Variants in CA10 observed in about 807,000 individuals in gnomAD.
CA10 encodes carbonic anhydrase-related protein 10.
In CA10, 14 loss-of-function variants were observed where a neutral mutation model predicts 44.2. The observed-to-expected ratio is 0.32, with a 90% CI of 0.21 to 0.50. CA10 has a LOEUF of 0.50. Among genes scored for constraint, CA10 ranks in the 20% least tolerant of loss-of-function variants. The pLI is 0.99. For missense variants in CA10, 350 were observed against 409.7 expected (o/e 0.85, Z 1.26); for synonymous variants, 159 against 141.6 (o/e 1.12, Z -0.87).
intron 1 of CA10, among the ~76,000 whole-genome samples, chr17:52,115,307 C>A (rs1988869679): frequency 6.6e-6 from 1 of 152,182 alleles, no homozygotes. Flanking sequence ...GAGACAAGAC[C>A]TAGATTTTAG....
chr17:51,909,581 G>T (rs1452690758), intron 3 of CA10, among the ~76,000 whole-genome samples: 1 of 152,206 alleles, frequency 6.6e-6, no homozygotes, highest in Non-Finnish European at 1.5e-5. Context: ...AGATGAAACG[G>T]AACCTGTCAA....
At chr17:51,797,353 C>CGCACGCGT (rs1906750809) in intron 3 of CA10, among the ~76,000 whole-genome samples, 1 of 152,214 alleles carries the variant, frequency 6.6e-6, no homozygotes, top group Non-Finnish European at 1.5e-5. Context: ...TGCGCGCGCA[C>CGCACGCGT]GCACGCGTGC....
chr17:51,986,950 T>C (rs942103787), intron 2 of CA10, among the ~76,000 whole-genome samples: 2 of 151,930 alleles, frequency 1.3e-5, no homozygotes, highest in African/African-American at 4.8e-5. Flanking sequence ...ACTGTGGAGA[T>C]TCCTTAAAGA....
intron 4 of CA10, among the ~76,000 whole-genome samples, chr17:51,724,945 C>T (rs1392615276): frequency 1.3e-5 from 2 of 152,202 alleles, no homozygotes; most frequent in African/African-American, 2.4e-5. Flanking sequence ...CTGTTGAGTG[C>T]CTACAAGGAG....
intron 2 of CA10, among the ~76,000 whole-genome samples, chr17:51,986,077 GCAGGTACCA>G (rs1388092489): frequency 4.0e-5 from 6 of 151,834 alleles, no homozygotes; most frequent in African/African-American, 1.5e-4. Context: ...AAATATGGAG[GCAGGTACCA>G]CATTACCTGA....
At chr17:51,832,558 C>T (rs1908321731) in intron 3 of CA10, among the ~76,000 whole-genome samples, 2 of 152,166 alleles carry the variant, frequency 1.3e-5, no homozygotes, top group African/African-American at 2.4e-5. Flanking sequence ...AAGTGTTGGG[C>T]AGAATCACTC....
chr17:51,652,592 G>T (rs920855623), intron 5 of CA10, among the ~76,000 whole-genome samples: 10 of 152,256 alleles, frequency 6.6e-5, no homozygotes, highest in African/African-American at 2.4e-4. Flanking sequence ...CTGACCAAGG[G>T]GAGGGTGAGG....
chr17:51,853,201 T>C (rs547863374), intron 3 of CA10, among the ~76,000 whole-genome samples: 7 of 152,336 alleles, frequency 4.6e-5, no homozygotes, highest in African/African-American at 1.7e-4. Context: ...CCAATGATGA[T>C]ATTTAACTGC....
intron 1 of CA10, among the ~76,000 whole-genome samples, chr17:52,121,360 C>A (rs184626804): frequency 6.6e-6 from 1 of 151,712 alleles, no homozygotes; most frequent in Admixed American, 6.6e-5. Context: ...GTCTCATTAG[C>A]ATTAAAATAG....
intron 3 of CA10, among the ~76,000 whole-genome samples, chr17:51,879,394 C>G (rs1298057950): frequency 6.6e-6 from 1 of 152,082 alleles, no homozygotes; most frequent in Non-Finnish European, 1.5e-5. Context: ...TTACTGCTCC[C>G]AAGATTATCT....
chr17:51,902,872 G>A (rs921644552), intron 3 of CA10, among the ~76,000 whole-genome samples: 1 of 152,160 alleles, frequency 6.6e-6, no homozygotes, highest in African/African-American at 2.4e-5. Context: ...TGGGGAAGCA[G>A]TTAATCAAAT....
chr17:51,747,870 C>T, intron 3 of CA10, 52 bp from the exon 4 acceptor site: 1 of 1,396,246 alleles, frequency 7.2e-7, no homozygotes, highest in Non-Finnish European at 1.0e-6. Flanking sequence ...TTCTATGCCT[C>T]CCCAAACCCA....
intron 3 of CA10, among the ~76,000 whole-genome samples, chr17:51,924,864 TC>T (rs1174735286): frequency 6.6e-6 from 1 of 152,190 alleles, no homozygotes; most frequent in Non-Finnish European, 1.5e-5. Flanking sequence ...GCTGAGACTC[TC>T]CCTGATATAA....
intron 2 of CA10, among the ~76,000 whole-genome samples, chr17:52,066,026 C>G (rs1043648116): frequency 2.0e-5 from 3 of 152,154 alleles, no homozygotes; most frequent in African/African-American, 7.2e-5. Flanking sequence ...TCTTCCAACA[C>G]GATTGTAAGT....
At chr17:51,717,424 G>A (rs1011892202) in intron 4 of CA10, among the ~76,000 whole-genome samples, 6 of 150,504 alleles carry the variant, frequency 4.0e-5, no homozygotes, top group African/African-American at 7.3e-5. Context: ...GTCGTTATTC[G>A]AAAAAGATAC....
At chr17:52,050,841 G>A (rs1987044265) in intron 2 of CA10, among the ~76,000 whole-genome samples, 1 of 152,018 alleles carries the variant, frequency 6.6e-6, no homozygotes. Flanking sequence ...CGTATTTATT[G>A]TAGACTTGTT....
At chr17:51,929,502 A>G (rs768383866) in intron 3 of CA10, among the ~76,000 whole-genome samples, 6 of 152,104 alleles carry the variant, frequency 3.9e-5, no homozygotes, top group Admixed American at 6.6e-5. Flanking sequence ...TTTCAGCTGC[A>G]TTCTGGAACT....
chr17:51,905,688 A>G (rs1981518921), intron 3 of CA10, among the ~76,000 whole-genome samples: 1 of 152,044 alleles, frequency 6.6e-6, no homozygotes, highest in South Asian at 2.1e-4. Context: ...ATATACAGTT[A>G]TCATTTCATC....
intron 6 of CA10, among the ~76,000 whole-genome samples, chr17:51,642,391 G>A (rs1913124462): frequency 6.6e-6 from 1 of 152,182 alleles, no homozygotes; most frequent in Non-Finnish European, 1.5e-5. Context: ...ACTTCCCAAA[G>A]AACTGAGAAG....
Sources: allele counts gnomAD v4.1 joint callset (sites outside exome capture counted in the v4.1 genomes callset), GRCh38; gene constraint gnomAD v4.1.1; transcripts MANE v1.5; gene names NCBI Gene and HGNC (gene_info 2026-07-23, HGNC 2026-07-21).